DYNC1I1: variants seen among roughly 807,000 people sequenced by gnomAD.
DYNC1I1 encodes cytoplasmic dynein 1 intermediate chain 1.
DYNC1I1 carries 43 observed loss-of-function variants against 86.6 expected under a neutral mutation model. The observed-to-expected ratio is 0.50, with a 90% confidence interval of 0.39 to 0.64. The LOEUF is 0.64. DYNC1I1 is among the 30% of genes least tolerant of loss of function. DYNC1I1 has a pLI of 0.00. For missense variants in DYNC1I1, 604 were observed against 788.8 expected, an observed-to-expected ratio of 0.77 and a Z score of 2.81; for synonymous variants, 262 against 283.7, an observed-to-expected ratio of 0.92 and a Z score of 0.77.
Position 95,841,780 on chromosome 7 carries a change from T to C in DYNC1I1, c.374+13664T>C, listed in dbSNP as rs146995027. 6.3e-3 allele frequency among the ~76,000 whole-genome samples: 959 copies of C among 152,274 alleles called. 9 individuals carry two copies. Among genetic ancestry groups the C allele is most frequent in the African/African-American group, 0.022 (902 of 41,544 alleles). The stretch of plus-strand genomic sequence containing the variant: ...TACAGGCTTGTTATAAGCCAGACCC[T>C]TGGGCAGCAGCTGAAAAAGTCAGGG... On this transcript the variant is annotated intron_variant, in intron 5 of 16. Coordinates refer to ENST00000447467, the MANE Select transcript of DYNC1I1 (RefSeq NM_001135556.2).
At chr7:95,879,378 TC>T (rs1279391895) in intron 6 of DYNC1I1, among the ~76,000 whole-genome samples, 1 of 144,946 alleles carries the variant, frequency 6.9e-6, no homozygotes, top group Non-Finnish European at 1.6e-5. Flanking sequence ...TCTCCATTGT[TC>T]TTTTTTTTTG....
chr7:96,010,438 A>T (rs981714566), intron 10 of DYNC1I1, among the ~76,000 whole-genome samples: 8 of 152,322 alleles, frequency 5.3e-5, no homozygotes, highest in Non-Finnish European at 1.0e-4. Flanking sequence ...AACCACAGGT[A>T]TTCCTAAGCC....
At chr7:95,962,890 T>C (rs1227988167) in intron 6 of DYNC1I1, among the ~76,000 whole-genome samples, 1 of 152,178 alleles carries the variant, frequency 6.6e-6, no homozygotes, top group Admixed American at 6.5e-5. Context: ...CTTAGAACCC[T>C]CTTTTGACAT....
At chr7:95,903,528 CAA>C (rs771030646) in intron 6 of DYNC1I1, among the ~76,000 whole-genome samples, 27 of 152,246 alleles carry the variant, frequency 1.8e-4, no homozygotes, top group Admixed American at 3.3e-4. Context: ...GACCCACACA[CAA>C]AGAGGCAGAC....
intron 14 of DYNC1I1, among the ~76,000 whole-genome samples, chr7:96,043,929 C>T (rs1011070223): frequency 2.0e-5 from 3 of 152,020 alleles, no homozygotes; most frequent in South Asian, 2.1e-4. Flanking sequence ...AGGCTGGTCT[C>T]GAACTCCTGA....
rs556497621 is a variant in DYNC1I1, at chr7:95,840,543, G to A, written c.374+12427G>A. ...GAATTCTCTGTTGGGTAAATCACATGTCTCCATTTCATTAAGGTAGGTTTC... is the reference window on the plus strand; with the variant it reads ...GAATTCTCTGTTGGGTAAATCACATATCTCCATTTCATTAAGGTAGGTTTC... On this transcript the variant is annotated intron_variant, in intron 5 of 16. Transcript: ENST00000447467. 5.3e-5 allele frequency among the ~76,000 whole-genome samples: 8 copies of A among 152,186 alleles called. No individual in the cohort carries two copies. In the East Asian group the frequency reaches 1.5e-3, roughly 29 times the overall value.
In DYNC1I1 at chr7:96,035,620, A is replaced by G; in HGVS notation, c.1232A>G (p.Glu411Gly). 6.3e-7 allele frequency: 1 copy of G among 1,576,304 alleles called. No homozygotes were observed. The highest frequency in any genetic ancestry group is 8.6e-7 in the Non-Finnish European group (1 of 1,164,854). ...TGTAACCACACCGTGTTTTGGTAGG[A>G]GAGCATGGAGCTGGTGTACAATAAG... ...WSLDMLSTPQ[E>G]SMELVYNKSK... The change falls in exon 13 of 17, where the codon GAG becomes GGG. Residue 411 changes from glutamate to glycine, a missense_variant and splice_region_variant. Transcript: ENST00000447467.
At chr7:95,773,058 T>C (rs1186615854) in intron 1 of DYNC1I1, among the ~76,000 whole-genome samples, 1 of 152,142 alleles carries the variant, frequency 6.6e-6, no homozygotes, top group Non-Finnish European at 1.5e-5. Flanking sequence ...CCTTGTGGGC[T>C]GGGAAGGGCG....
At chr7:95,906,259 T>C (rs1013652941) in intron 6 of DYNC1I1, among the ~76,000 whole-genome samples, 3 of 152,226 alleles carry the variant, frequency 2.0e-5, no homozygotes, top group African/African-American at 7.2e-5. Context: ...TCACCACTTA[T>C]AACTGTGACC....
intron 13 of DYNC1I1, 101 bp from the exon 14 acceptor site, chr7:96,039,176 T>G (rs1022425400): frequency 2.0e-5 from 26 of 1,314,512 alleles, no homozygotes; most frequent in Admixed American, 2.5e-5. Context: ...TTCTAAATTA[T>G]GGAGATGCAG....
chr7:96,031,230 C>A (rs554348315), intron 11 of DYNC1I1, among the ~76,000 whole-genome samples: 1 of 152,048 alleles, frequency 6.6e-6, no homozygotes, highest in African/African-American at 2.4e-5. Flanking sequence ...AGGAATCAGA[C>A]AAAATACAGC....
At chr7:96,021,634 A>T (rs774173623) in intron 10 of DYNC1I1, among the ~76,000 whole-genome samples, 1 of 152,206 alleles carries the variant, frequency 6.6e-6, no homozygotes, top group Non-Finnish European at 1.5e-5. Context: ...TTATCATCAC[A>T]TAAAGAAACC....
chr7:95,904,629 A>G (rs1411673066), intron 6 of DYNC1I1, among the ~76,000 whole-genome samples: 2 of 31,222 alleles, frequency 6.4e-5, no homozygotes, highest in Non-Finnish European at 9.8e-5. Flanking sequence ...GTGTGTATGT[A>G]TATATATATA....
At chr7:95,865,011 C>T (rs1789981171) in intron 5 of DYNC1I1, among the ~76,000 whole-genome samples, 1 of 152,214 alleles carries the variant, frequency 6.6e-6, no homozygotes, top group Non-Finnish European at 1.5e-5. Flanking sequence ...CTTCCTAAAA[C>T]AGATTGCCAG....
chr7:96,081,354 T>A (rs1413606620), intron 16 of DYNC1I1, among the ~76,000 whole-genome samples: 5 of 152,054 alleles, frequency 3.3e-5, no homozygotes, highest in Admixed American at 1.3e-4. Context: ...ACTACACCTT[T>A]TATTTCAGAC....
intron 6 of DYNC1I1, among the ~76,000 whole-genome samples, chr7:95,951,698 A>G (rs1298201862): frequency 1.3e-5 from 2 of 152,150 alleles, no homozygotes; most frequent in African/African-American, 2.4e-5. Context: ...CGGTATCACC[A>G]TCTGTTTTCA....
rs58435060 is a variant in DYNC1I1, at chr7:95,954,915, C to CAAAAAAAAAAA, written c.491-22584_491-22574dup. Among the ~76,000 whole-genome samples, 217 of 81,836 alleles carry CAAAAAAAAAAA rather than the reference C, an allele frequency of 2.7e-3. 4 individuals are homozygous for CAAAAAAAAAAA. The highest frequency in any genetic ancestry group is 9.4e-3 in the African/African-American group (200 of 21,350). 53.7% of individuals were successfully genotyped at this position (81,836 alleles called of 152,430 possible). On this transcript the variant is annotated intron_variant, in intron 6 of 16. Coordinates refer to ENST00000447467, the MANE Select transcript of DYNC1I1 (RefSeq NM_001135556.2). Reference sequence around the variant, plus strand: ...TGGGCAACAGAGCAAGACTCTGTCTCAAAAAAAAAAAAAAAAAAAAAAAGA... The same window carrying CAAAAAAAAAAA: ...TGGGCAACAGAGCAAGACTCTGTCTCAAAAAAAAAAAAAAAAAAAAAAAAAAAAAAAAAAGA...
chr7:96,029,001 ACT>A (rs1417192879), intron 11 of DYNC1I1, among the ~76,000 whole-genome samples: 1 of 152,146 alleles, frequency 6.6e-6, no homozygotes, highest in Non-Finnish European at 1.5e-5. Flanking sequence ...CTACCTTGAC[ACT>A]CAGGGTAACT....
chr7:95,956,710 A>G (rs1377137429), intron 6 of DYNC1I1, among the ~76,000 whole-genome samples: 1 of 152,058 alleles, frequency 6.6e-6, no homozygotes, highest in African/African-American at 2.4e-5. Context: ...GATGACATGA[A>G]CTCATTCTTT....
Sources: allele counts gnomAD v4.1 joint callset (sites outside exome capture counted in the v4.1 genomes callset), GRCh38; gene constraint gnomAD v4.1.1; transcripts MANE v1.5; gene names NCBI Gene and HGNC (gene_info 2026-07-23, HGNC 2026-07-21).